XKR6: variants seen among roughly 807,000 people sequenced by gnomAD.
XKR6 encodes XK-related protein 6.
A neutral mutation model predicts 56.7 loss-of-function variants in XKR6; 22 were observed. The ratio of observed to expected loss-of-function variants is 0.39; its 90% CI spans 0.28 to 0.55. XKR6 has a LOEUF of 0.55. Ranked by LOEUF, XKR6 falls within the 20% of genes least tolerant of loss-of-function variation. XKR6 has a pLI of 0.66. For synonymous variants in XKR6, 524 were observed against 387.8 expected, an observed-to-expected ratio of 1.35 and a Z score of -4.13; for missense variants, 852 against 889.0, an observed-to-expected ratio of 0.96 and a Z score of 0.53.
At chr8:10,926,676 G>C (rs1184931924) in intron 1 of XKR6, among the ~76,000 whole-genome samples, 1 of 152,248 alleles carries the variant, frequency 6.6e-6, no homozygotes, top group Non-Finnish European at 1.5e-5. Context: ...GGTCAGGTCT[G>C]GTTATCACCA....
At chr8:11,115,882 G>C (rs1016333554) in intron 1 of XKR6, among the ~76,000 whole-genome samples, 4 of 152,152 alleles carry the variant, frequency 2.6e-5, no homozygotes, top group African/African-American at 7.2e-5. Context: ...ATTTTTCATG[G>C]AGTCTAACTA....
chr8:10,925,286 C>T (rs1474045144), intron 1 of XKR6, among the ~76,000 whole-genome samples: 1 of 152,190 alleles, frequency 6.6e-6, no homozygotes, highest in Non-Finnish European at 1.5e-5. Context: ...TTCTGAAGCT[C>T]CTACTACGTG....
intron 1 of XKR6, among the ~76,000 whole-genome samples, chr8:11,018,189 C>G (rs1798670428): frequency 6.6e-6 from 1 of 151,586 alleles, no homozygotes; most frequent in Non-Finnish European, 1.5e-5. Flanking sequence ...CAGCCTCCCC[C>G]TCAGGGTGAC....
chr8:11,013,823 T>A (rs1465281761), intron 1 of XKR6, among the ~76,000 whole-genome samples: 1 of 152,244 alleles, frequency 6.6e-6, no homozygotes, highest in Non-Finnish European at 1.5e-5. Context: ...AGGAATTTGC[T>A]GTGTGAAGTC....
At chr8:11,190,307 G>T (rs541766402) in intron 1 of XKR6, among the ~76,000 whole-genome samples, 1 of 151,908 alleles carries the variant, frequency 6.6e-6, no homozygotes, top group African/African-American at 2.4e-5. Context: ...AAAGAAAACA[G>T]CTTCTTTATA....
chr8:11,136,048 C>T (rs1020377482), intron 1 of XKR6, among the ~76,000 whole-genome samples: 3 of 152,158 alleles, frequency 2.0e-5, no homozygotes, highest in Non-Finnish European at 2.9e-5. Context: ...CAATAGATGG[C>T]ACCTTATAAA....
rs1485039629 is a variant in XKR6 at position 11,120,543 on chromosome 8, A to C, written c.764+80033T>G. ...TGCTCAACGAAATAAAAGAGGATAC[A>C]AACAAATGGAAGAACATTCCATGCT... is the stretch of plus-strand genomic sequence containing the variant. On this transcript the variant is annotated intron_variant, in intron 1 of 2. Transcript: ENST00000416569. 7.2e-5 allele frequency among the ~76,000 whole-genome samples: 11 copies of C among 152,294 alleles called. No homozygotes were observed. The South Asian group carries it at 1.2e-3, about 17-fold the overall frequency.
At chr8:10,999,687 A>C (rs1337636556) in intron 1 of XKR6, among the ~76,000 whole-genome samples, 3 of 152,230 alleles carry the variant, frequency 2.0e-5, no homozygotes, top group Non-Finnish European at 4.4e-5. Flanking sequence ...CCAAAATAAA[A>C]GTTCCAACAA....
At chr8:10,945,937 C>T (rs1035510088) in intron 1 of XKR6, among the ~76,000 whole-genome samples, 27 of 152,064 alleles carry the variant, frequency 1.8e-4, no homozygotes, top group Admixed American at 3.3e-4. Context: ...GTCCCCAGCC[C>T]GGAGTGAATA....
intron 1 of XKR6, 148 bp from the exon 2 acceptor site, chr8:10,924,978 G>A: frequency 1.2e-6 from 1 of 845,326 alleles, no homozygotes; most frequent in Non-Finnish European, 1.8e-6. Flanking sequence ...GGGGCTCTGG[G>A]GGGCTCCCGG....
rs141814351 is a variant in XKR6 at position 10,990,187 on chromosome 8, T to A, written c.765-65357A>T. ...GAATGAGTAGAGGTTTATACCTGCA[T>A]GTGATTTTCAGTGCAGTGGCAGCAA... On this transcript the variant is annotated intron_variant, in intron 1 of 2. Coordinates refer to ENST00000416569, the MANE Select transcript of XKR6 (RefSeq NM_173683.4). 3.8e-3 allele frequency among the ~76,000 whole-genome samples: 579 copies of A among 152,342 alleles called. 6 individuals are homozygous for A. Among genetic ancestry groups the A allele is most frequent in the African/African-American group, 0.013 (556 of 41,574 alleles).
intron 1 of XKR6, among the ~76,000 whole-genome samples, chr8:11,024,218 T>TGTGC (rs1563352320): frequency 1.2e-5 from 1 of 81,516 alleles, no homozygotes. Context: ...TGTGTGTGTG[T>TGTGC]GTGTGTGTGT....
At chr8:10,997,498 G>T (rs1336115176) in intron 1 of XKR6, among the ~76,000 whole-genome samples, 1 of 152,164 alleles carries the variant, frequency 6.6e-6, no homozygotes, top group Admixed American at 6.5e-5. Flanking sequence ...CCTTATTCTA[G>T]CTGGTGAGAT....
At chr8:11,027,803 G>C (rs373383481) in intron 1 of XKR6, among the ~76,000 whole-genome samples, 1 of 152,118 alleles carries the variant, frequency 6.6e-6, no homozygotes, top group Non-Finnish European at 1.5e-5. Flanking sequence ...TGTATCACAC[G>C]TCTTAAAAAT....
rs748088308 is a variant in XKR6, at chr8:11,122,537, G to A, written c.764+78039C>T. Among the ~76,000 whole-genome samples the A allele has an allele frequency of 1.1e-3, 168 of 152,208 alleles. 2 individuals are homozygous for A. The highest frequency in any genetic ancestry group is 5.9e-4 in the Admixed American group (9 of 15,282). On this transcript the variant is annotated intron_variant, in intron 1 of 2. Transcript: ENST00000416569. ...CTGCTGACTACTAGCCAATGGGTGC[G>A]TAAGCAGTGGCAGGTATAAGATTTT...
At chr8:11,176,953 G>A (rs548984915) in intron 1 of XKR6, among the ~76,000 whole-genome samples, 2 of 152,210 alleles carry the variant, frequency 1.3e-5, no homozygotes, top group Non-Finnish European at 2.9e-5. Flanking sequence ...GAGAAGGTGG[G>A]GAGGAGAGGG....
intron 1 of XKR6, among the ~76,000 whole-genome samples, chr8:11,103,444 G>A (rs1225091176): frequency 2.6e-5 from 4 of 152,162 alleles, no homozygotes; most frequent in Non-Finnish European, 5.9e-5. Context: ...ATAGTTGCTC[G>A]CATTTGGAAA....
chr8:11,003,331 TATC>T (rs201709380), intron 1 of XKR6, among the ~76,000 whole-genome samples: 2,398 of 151,918 alleles, frequency 0.016, 26 homozygotes, highest in Non-Finnish European at 0.025. Context: ...CCACCATCAT[TATC>T]ATCACAGCCA....
chr8:11,132,786 C>CACACACAT (rs61142313), intron 1 of XKR6, among the ~76,000 whole-genome samples: 52 of 151,092 alleles, frequency 3.4e-4, no homozygotes, highest in African/African-American at 1.2e-3. Context: ...CACACACACA[C>CACACACAT]GCACATTTTT....
Sources: gnomAD v4.1 joint callset for allele counts (sites outside exome capture counted in the v4.1 genomes callset) on GRCh38, gnomAD v4.1.1 for gene constraint, MANE v1.5 for transcripts, NCBI Gene and HGNC (gene_info 2026-07-23, HGNC 2026-07-21) for gene names.